The following UBE2Q1 variants were observed in gnomAD, a reference collection of about 807,000 sequenced individuals.
The protein encoded by UBE2Q1 is ubiquitin conjugating enzyme E2 Q1.
In UBE2Q1, 6 loss-of-function variants were observed where a neutral mutation model predicts 60.1. The ratio of observed to expected loss-of-function variants is 0.10; its 90% CI spans 0.05 to 0.20. The LOEUF (loss-of-function observed/expected upper bound fraction) is 0.20. Ranked by LOEUF, UBE2Q1 falls within the 10% of genes least tolerant of loss-of-function variation. The probability of loss-of-function intolerance (pLI) is 1.00; values close to 1 mark genes in which losing one functional copy is unlikely to be tolerated. For missense variants in UBE2Q1, 262 were observed against 525.8 expected (o/e 0.50, Z 4.91); for synonymous variants, 226 against 208.3 (o/e 1.09, Z -0.73).
At chr1:154,553,720 G>A (rs916217416) in intron 4 of UBE2Q1, 9 of 154,398 alleles carry the variant, frequency 5.8e-5, no homozygotes, top group African/African-American at 2.2e-4. Flanking sequence ...AGGATGTCCA[G>A]AGAGATATAT....
chr1:154,555,632 TTC>T, intron 2 of UBE2Q1, 100 bp from the exon 3 acceptor site: 1 of 1,188,376 alleles, frequency 8.4e-7, no homozygotes, highest in Non-Finnish European at 1.2e-6. Context: ...CAATAACTAG[TTC>T]TCTAAGCCTT....
In UBE2Q1 at chr1:154,555,544, G is replaced by A. The variant is rs552542801; in HGVS notation, c.433-12C>T. On this transcript the variant is annotated splice_polypyrimidine_tract_variant and intron_variant, in intron 2 of 12. Transcript: ENST00000292211. The stretch of plus-strand genomic sequence containing the variant: ...AGATGCTGCAATAGCTACAGGTAGG[G>A]GAGCACAGAGACATCAAATCCTTCC... 4 of 1,611,238 alleles carry A rather than the reference G, an allele frequency of 2.5e-6. No homozygotes were observed. The South Asian group carries it at 3.3e-5, about 13-fold the overall frequency.
chr1:154,550,789 A>G (rs1047668720), intron 12 of UBE2Q1, 149 bp downstream of exon 12: 14 of 1,537,518 alleles, frequency 9.1e-6, no homozygotes, highest in African/African-American at 1.4e-5. Context: ...AGCCACCGCC[A>G]GTCCCTCCTG....
In UBE2Q1 at chr1:154,558,614, TCCG is replaced by T. The variant is rs368389808; in HGVS notation, c.-64_-62del. The T allele has an allele frequency of 0.66, 603,596 of 915,018 alleles. 174,890 individuals carry two copies. Among genetic ancestry groups the T allele is most frequent in the Admixed American group, 0.78 (12,251 of 15,638 alleles). 56.7% of individuals were successfully genotyped at this position (915,018 alleles called of 1,614,324 possible). A position where few individuals can be genotyped will look rare whatever the true frequency, so the allele number is the denominator to read the frequency against. ...GGAGCCTCCGGCCTGCGCTCCGGGC[TCCG>T]CCGCCGCCGCCGCCGCCGCCGCCGC... On this transcript the variant is annotated 5_prime_UTR_variant, in exon 1 of 13. Coordinates refer to ENST00000292211, the MANE Select transcript of UBE2Q1 (RefSeq NM_017582.7).
intron 5 of UBE2Q1, 60 bp from the exon 6 acceptor site, chr1:154,552,880 A>C (rs1458023628): frequency 2.5e-6 from 4 of 1,603,448 alleles, no homozygotes; most frequent in Non-Finnish European, 3.4e-6. Flanking sequence ...CACACGTTAG[A>C]CCTTAGGGGC....
At position 154,550,171 on chromosome 1, in the gene UBE2Q1, T is replaced by G. The variant is rs1287073984; in HGVS notation, c.*267A>C. On this transcript the variant is annotated 3_prime_UTR_variant, in exon 13 of 13. Transcript: ENST00000292211. ...CCAGCAATATAAGGAGGCTCGAAAG[T>G]TTCTTTTATAAGAATGCCTGCTAGC... The G allele has an allele frequency of 1.7e-5, 8 of 468,908 alleles. No homozygotes were observed. The highest frequency in any genetic ancestry group is 3.0e-5 in the Non-Finnish European group (8 of 262,876). The allele number at this position is 468,908 out of a possible 1,614,324, so 29.0% of individuals were successfully genotyped here.
rs200727272 is a variant in UBE2Q1 at position 154,550,421 on chromosome 1, A to G, written c.*17T>C. ...TCCAGTGGTGCCTGGGGAGGGAGGA[A>G]GGGTGATACTCCAGGGTTAGCCGTC... On this transcript the variant is annotated 3_prime_UTR_variant, in exon 13 of 13. Transcript: ENST00000292211. 6.2e-7 allele frequency: 1 copy of G among 1,614,064 alleles called. No homozygotes were observed. Among genetic ancestry groups the G allele is most frequent in the Non-Finnish European group, 8.5e-7 (1 of 1,179,958 alleles).
At chr1:154,551,366 GC>G in intron 11 of UBE2Q1, 30 bp downstream of exon 11, 1 of 1,608,588 alleles carries the variant, frequency 6.2e-7, no homozygotes, top group Non-Finnish European at 8.5e-7. Context: ...GCTCCACCCA[GC>G]CCCACCAGCC....
intron 4 of UBE2Q1, chr1:154,554,516 C>T (rs1161652434): frequency 2.4e-6 from 1 of 422,374 alleles, no homozygotes; most frequent in East Asian, 3.6e-5. Context: ...ATTAACTTAC[C>T]CAGTATTTGG....
chr1:154,554,617 GTCTT>G (rs1363202647), intron 4 of UBE2Q1, 114 bp downstream of exon 4: 36 of 1,081,036 alleles, frequency 3.3e-5, no homozygotes, highest in Non-Finnish European at 4.5e-5. Flanking sequence ...CAGTAAATCT[GTCTT>G]TATTCCTTTG....
chr1:154,553,268 G>T, intron 4 of UBE2Q1, 96 bp from the exon 5 acceptor site: 1 of 1,487,658 alleles, frequency 6.7e-7, no homozygotes, highest in Non-Finnish European at 8.9e-7. Flanking sequence ...TTGGCGAAGA[G>T]CCAAAAGTTA....
intron 7 of UBE2Q1, 34 bp downstream of exon 7, chr1:154,552,370 C>G: frequency 1.2e-6 from 2 of 1,613,252 alleles, no homozygotes; most frequent in Non-Finnish European, 1.7e-6. Flanking sequence ...CACTCCTCCT[C>G]AACTTCCTCT....
At chr1:154,552,065 G>A (rs747892296) in intron 8 of UBE2Q1, 28 bp downstream of exon 8, 2 of 1,614,088 alleles carry the variant, frequency 1.2e-6, no homozygotes, top group Non-Finnish European at 1.7e-6. Flanking sequence ...CTAGGCCAGA[G>A]GGAGAGACTG....
rs1436105228 is a variant in UBE2Q1, at chr1:154,549,648, A to G, written c.*790T>C. 1 of 152,666 alleles carries G rather than the reference A, an allele frequency of 6.6e-6. No individual in the cohort carries two copies. Among genetic ancestry groups the G allele is most frequent in the Admixed American group, 6.5e-5 (1 of 15,280 alleles). The allele number at this position is 152,666 out of a possible 1,614,324, so 9.5% of individuals were successfully genotyped here. Reference sequence around the variant, plus strand: ...TCTACGAAGCAGCCTCTTGAGCCTCATTTTCTTTTTCTTAGAAATTTGAAA... The same window carrying G: ...TCTACGAAGCAGCCTCTTGAGCCTCGTTTTCTTTTTCTTAGAAATTTGAAA... On this transcript the variant is annotated 3_prime_UTR_variant, in exon 13 of 13. Transcript: ENST00000292211.
chr1:154,552,961 TGC>T (rs1157954979), intron 5 of UBE2Q1, 69 bp downstream of exon 5: 6 of 1,601,854 alleles, frequency 3.7e-6, no homozygotes, highest in Non-Finnish European at 5.1e-6. Flanking sequence ...CATACTGAGA[TGC>T]GATGGCCTAC....
At chr1:154,552,849 C>A in intron 5 of UBE2Q1, 29 bp from the exon 6 acceptor site, 1 of 1,612,448 alleles carries the variant, frequency 6.2e-7, no homozygotes, top group East Asian at 2.2e-5. Context: ...AGGAACATTC[C>A]TTGGTCGTGT....
chr1:154,552,841 G>C, intron 5 of UBE2Q1, 21 bp from the exon 6 acceptor site: 2 of 1,613,222 alleles, frequency 1.2e-6, no homozygotes, highest in Non-Finnish European at 1.7e-6. Flanking sequence ...CGGATGACAG[G>C]AACATTCCTT....
At chr1:154,552,040 G>A (rs958675949) in intron 8 of UBE2Q1, 53 bp downstream of exon 8, 26 of 1,613,834 alleles carry the variant, frequency 1.6e-5, no homozygotes, top group South Asian at 3.3e-5. Flanking sequence ...AGGACTGTCA[G>A]GCAGACTGGG....
Position 154,552,614 on chromosome 1 carries a change from C to T in UBE2Q1, c.814+122G>A, listed in dbSNP as rs915514158. On this transcript the variant is annotated intron_variant, in intron 6 of 12. Coordinates refer to ENST00000292211, the MANE Select transcript of UBE2Q1 (RefSeq NM_017582.7). ...GCAACCAAGCCACTGGCTTGAGGAG[C>T]TCCATTCTTGGCCTGAAAAGTTCAT... is the stretch of plus-strand genomic sequence containing the variant. 9.8e-6 allele frequency: 14 copies of T among 1,425,866 alleles called. No homozygotes were observed. The Admixed American group carries it at 2.8e-4, about 29-fold the overall frequency. 88.3% of individuals were successfully genotyped at this position (1,425,866 alleles called of 1,614,324 possible).
Sources: allele counts gnomAD v4.1 joint callset, GRCh38; gene constraint gnomAD v4.1.1; transcripts MANE v1.5; gene names NCBI Gene and HGNC (gene_info 2026-07-23, HGNC 2026-07-21).